The following GRIK2 variants were observed in gnomAD, a reference collection of about 807,000 sequenced individuals.
The protein encoded by GRIK2 is glutamate ionotropic receptor kainate type subunit 2.
GRIK2 carries 32 observed loss-of-function variants against 100.3 expected under a neutral mutation model. That is an observed-to-expected ratio of 0.32 (90% CI 0.24 to 0.43). The LOEUF (loss-of-function observed/expected upper bound fraction) is 0.43. GRIK2 is among the 20% of genes least tolerant of loss of function. The pLI is 1.00. For synonymous variants in GRIK2, 417 were observed against 389.4 expected, an observed-to-expected ratio of 1.07 and a Z score of -0.83; for missense variants, 843 against 1,114.9, an observed-to-expected ratio of 0.76 and a Z score of 3.47.
intron 5 of GRIK2, among the ~76,000 whole-genome samples, chr6:101,679,551 A>G (rs1390438340): frequency 6.6e-6 from 1 of 152,186 alleles, no homozygotes; most frequent in African/African-American, 2.4e-5. Context: ...AAGTGTGCAT[A>G]CAATTCACTC....
intron 2 of GRIK2, among the ~76,000 whole-genome samples, chr6:101,454,948 C>A (rs540368662): frequency 6.6e-6 from 1 of 152,208 alleles, no homozygotes; most frequent in East Asian, 1.9e-4. Context: ...AATGTATTAC[C>A]TTTAACAGTG....
At chr6:102,008,921 T>C (rs997724693) in intron 14 of GRIK2, among the ~76,000 whole-genome samples, 3 of 151,454 alleles carry the variant, frequency 2.0e-5, no homozygotes, top group African/African-American at 7.3e-5. Context: ...TATACACACA[T>C]GTCCATAGTT....
chr6:101,654,122 A>C (rs1419489409), intron 4 of GRIK2, among the ~76,000 whole-genome samples: 1 of 152,126 alleles, frequency 6.6e-6, no homozygotes, highest in Non-Finnish European at 1.5e-5. Context: ...TGAAAACTGA[A>C]TAAACATCTA....
intron 2 of GRIK2, among the ~76,000 whole-genome samples, chr6:101,489,999 A>T (rs528485620): frequency 6.8e-6 from 1 of 146,768 alleles, no homozygotes; most frequent in East Asian, 1.9e-4. Context: ...AAATGACTAT[A>T]GCTGTTATCT....
chr6:101,591,863 T>C (rs1582785426), intron 2 of GRIK2, among the ~76,000 whole-genome samples: 1 of 152,166 alleles, frequency 6.6e-6, no homozygotes, highest in African/African-American at 2.4e-5. Flanking sequence ...ATTGGTGATA[T>C]GGTTTGGATG....
At chr6:101,964,895 C>T (rs541284170) in intron 14 of GRIK2, among the ~76,000 whole-genome samples, 1 of 152,190 alleles carries the variant, frequency 6.6e-6, no homozygotes, top group Admixed American at 6.5e-5. Flanking sequence ...AGAGAGAGAA[C>T]ATGTGGCAAT....
chr6:101,995,165 C>T (rs185301000), intron 14 of GRIK2, among the ~76,000 whole-genome samples: 7 of 151,968 alleles, frequency 4.6e-5, no homozygotes, highest in Non-Finnish European at 1.0e-4. Context: ...GACATGCCAG[C>T]CATCACATGA....
chr6:102,025,759 T>C (rs1490652651), intron 14 of GRIK2, among the ~76,000 whole-genome samples: 1 of 151,276 alleles, frequency 6.6e-6, no homozygotes, highest in Non-Finnish European at 1.5e-5. Context: ...CATGTTTTGT[T>C]TTTGGTAAAT....
intron 7 of GRIK2, among the ~76,000 whole-genome samples, chr6:101,766,923 ATGGCT>A (rs1778077590): frequency 6.6e-6 from 1 of 152,202 alleles, no homozygotes; most frequent in Non-Finnish European, 1.5e-5. Flanking sequence ...GATGGCATGC[ATGGCT>A]GGTGTTTGTA....
Position 101,960,699 on chromosome 6 carries a change from G to A in GRIK2, c.2085+32067G>A, listed in dbSNP as rs78773286. Among the ~76,000 whole-genome samples the A allele has an allele frequency of 5.7e-3, 867 of 152,208 alleles. 9 individuals are homozygous for A. The highest frequency in any genetic ancestry group is 0.02 in the African/African-American group (826 of 41,528). On this transcript the variant is annotated intron_variant, in intron 14 of 16. Transcript: ENST00000369134. The stretch of plus-strand genomic sequence containing the variant: ...AGCAATGTACTCGGCCTATGAGCAG[G>A]ACTAACACCTTCTGTGGGACTGAGG...
chr6:102,057,314 T>C (rs1771513428), intron 16 of GRIK2, among the ~76,000 whole-genome samples: 2 of 152,014 alleles, frequency 1.3e-5, no homozygotes, highest in Admixed American at 1.3e-4. Context: ...CCTCTATGTG[T>C]CCCATTCATT....
Position 101,676,662 on chromosome 6 carries a change from G to T in GRIK2, c.581G>T (p.Arg194Met), listed in dbSNP as rs1770865294. The change falls in exon 5 of 17, where the codon AGG (arginine) becomes ATG (methionine). Residue 194 changes from arginine to methionine, a missense_variant. Coordinates refer to ENST00000369134, the MANE Select transcript of GRIK2 (RefSeq NM_021956.5). ...CAAGAGCTCATCAAAGCTCCATCAA[G>T]GTATAATCTTCGACTCAAAATTCGT... is the stretch of plus-strand genomic sequence containing the variant. Reference protein sequence around the residue: ...RLQELIKAPSRYNLRLKIRQL... With the variant: ...RLQELIKAPSMYNLRLKIRQL... 6.2e-7 allele frequency: 1 copy of T among 1,600,506 alleles called. No homozygotes were observed. The highest frequency in any genetic ancestry group is 8.5e-7 in the Non-Finnish European group (1 of 1,172,238).
At chr6:101,798,076 A>G (rs939854995) in intron 7 of GRIK2, among the ~76,000 whole-genome samples, 2 of 148,840 alleles carry the variant, frequency 1.3e-5, no homozygotes, top group Non-Finnish European at 3.0e-5. Flanking sequence ...AAAACAATGG[A>G]TATGTAGCCT....
chr6:101,823,930 T>A (rs527740432), intron 10 of GRIK2, among the ~76,000 whole-genome samples: 85 of 150,620 alleles, frequency 5.6e-4, no homozygotes, highest in African/African-American at 1.9e-3. Flanking sequence ...TGCAGTAGCA[T>A]GATCTCTGCT....
intron 2 of GRIK2, among the ~76,000 whole-genome samples, chr6:101,473,525 G>A (rs913231956): frequency 6.6e-6 from 1 of 151,654 alleles, no homozygotes; most frequent in Non-Finnish European, 1.5e-5. Flanking sequence ...TTGACACTGT[G>A]TATTAGGAAA....
chr6:101,449,420 A>G (rs1582474617), intron 2 of GRIK2, among the ~76,000 whole-genome samples: 1 of 151,852 alleles, frequency 6.6e-6, no homozygotes, highest in Non-Finnish European at 1.5e-5. Flanking sequence ...CAGTATGTAT[A>G]ATGTAGGCTG....
intron 16 of GRIK2, among the ~76,000 whole-genome samples, chr6:102,063,532 T>C (rs1270024307): frequency 6.6e-6 from 1 of 150,758 alleles, no homozygotes; most frequent in East Asian, 1.9e-4. Context: ...ATATGTCAAT[T>C]ATCAATGTGG....
chr6:101,651,296 G>A (rs1781779792), intron 4 of GRIK2, among the ~76,000 whole-genome samples: 2 of 152,036 alleles, frequency 1.3e-5, no homozygotes, highest in Non-Finnish European at 2.9e-5. Context: ...TTTTCCAAAT[G>A]GACTACAAGC....
chr6:101,807,337 A>C (rs1781068097), intron 9 of GRIK2, among the ~76,000 whole-genome samples: 1 of 152,016 alleles, frequency 6.6e-6, no homozygotes, highest in South Asian at 2.1e-4. Flanking sequence ...TCATGGCACA[A>C]TTAAAAACTC....
Sources: allele counts gnomAD v4.1 joint callset (sites outside exome capture counted in the v4.1 genomes callset), GRCh38; gene constraint gnomAD v4.1.1; transcripts MANE v1.5; gene names NCBI Gene and HGNC (gene_info 2026-07-23, HGNC 2026-07-21).